The following TRAF5 variants were observed in gnomAD, a reference collection of about 807,000 sequenced individuals.
TRAF5 encodes TNF receptor-associated factor 5.
A neutral mutation model predicts 64.5 loss-of-function variants in TRAF5; 48 were observed. The ratio of observed to expected loss-of-function variants is 0.74; its 90% CI spans 0.59 to 0.95. TRAF5 has a LOEUF of 0.95. Among genes scored for constraint, TRAF5 ranks in the 40% least tolerant of loss-of-function variants. The probability of loss-of-function intolerance (pLI) is 0.00; values close to 1 mark genes in which losing one functional copy is unlikely to be tolerated. For synonymous variants in TRAF5, 206 were observed against 240.5 expected (o/e 0.86, Z 1.33); for missense variants, 545 against 662.8 (o/e 0.82, Z 1.95).
chr1:211,337,913 A>G (rs1702346352), intron 1 of TRAF5, among the ~76,000 whole-genome samples: 1 of 152,204 alleles, frequency 6.6e-6, no homozygotes, highest in Non-Finnish European at 1.5e-5. Flanking sequence ...TAGACTAAAC[A>G]GTGGAGTGTG....
chr1:211,369,290 C>T (rs1703446207), intron 8 of TRAF5, 162 bp from the exon 9 acceptor site: 1 of 645,086 alleles, frequency 1.6e-6, no homozygotes, highest in East Asian at 3.5e-5. Flanking sequence ...TGAATATCTT[C>T]CTATAATTAT....
At position 211,368,730 on chromosome 1, in the gene TRAF5, G is replaced by A. The variant is rs568637308; in HGVS notation, c.790-722G>A. On this transcript the variant is annotated intron_variant, in intron 8 of 10. Transcript: ENST00000261464. The stretch of plus-strand genomic sequence containing the variant: ...AGCTTTAGGTATCTGTTTCTTTCAA[G>A]TAGATTATAAAATCTGTCAATATGC... 1.5e-4 allele frequency among the ~76,000 whole-genome samples: 23 copies of A among 152,308 alleles called. No individual in the cohort carries two copies. The South Asian group carries it at 4.1e-3, about 27-fold the overall frequency.
chr1:211,363,517 T>C (rs943922782), intron 7 of TRAF5, among the ~76,000 whole-genome samples: 1 of 152,208 alleles, frequency 6.6e-6, no homozygotes, highest in African/African-American at 2.4e-5. Flanking sequence ...CTTTTACTTT[T>C]TATTCTTCAT....
Position 211,353,289 on chromosome 1 carries a change from A to G in TRAF5, c.50A>G (p.Gln17Arg). Residue 17 changes from glutamine to arginine, a missense_variant, in exon 2 of 11, where the codon CAG (glutamine) becomes CGG (arginine). Gln to Arg is a conservative substitution (Grantham distance 43). Transcript: ENST00000261464. ...HKGMPCGFIR[Q>R]NSGNSISLDF... ...GGTATGCCCTGTGGTTTCATCCGCC[A>G]GAATTCCGGCAACTCCATTTCCTTG... 1 of 1,614,258 alleles carries G rather than the reference A, an allele frequency of 6.2e-7. No homozygotes were observed. The highest frequency in any genetic ancestry group is 8.5e-7 in the Non-Finnish European group (1 of 1,180,048).
At chr1:211,366,705 A>G (rs1376729849) in intron 8 of TRAF5, among the ~76,000 whole-genome samples, 1 of 152,210 alleles carries the variant, frequency 6.6e-6, no homozygotes, top group African/African-American at 2.4e-5. Context: ...AATCCTGATG[A>G]GTCAAGGAAA....
chr1:211,361,083 C>G lies in TRAF5; in HGVS notation c.622-5C>G, dbSNP rs199606735. 10 of 1,613,644 alleles carry G rather than the reference C, an allele frequency of 6.2e-6. No homozygotes were observed. In the Admixed American group the frequency reaches 1.0e-4, roughly 16 times the overall value. ...TTCTATAGCTTGTGACTATCCATTTCGTAGGTAGATGAACACCTGGCTGTA... is the reference window on the plus strand; with the variant it reads ...TTCTATAGCTTGTGACTATCCATTTGGTAGGTAGATGAACACCTGGCTGTA... On this transcript the variant is annotated splice_region_variant and splice_polypyrimidine_tract_variant and intron_variant, in intron 6 of 10. Transcript: ENST00000261464.
intron 1 of TRAF5, chr1:211,346,234 CTGTT>C (rs1702603550): frequency 7.9e-6 from 3 of 381,070 alleles, no homozygotes; most frequent in Non-Finnish European, 1.1e-5. Context: ...GTCGAAATCT[CTGTT>C]TGTGGTACTT....
intron 8 of TRAF5, among the ~76,000 whole-genome samples, chr1:211,366,330 A>G (rs1703349299): frequency 2.0e-5 from 3 of 152,234 alleles, no homozygotes; most frequent in Non-Finnish European, 4.4e-5. Context: ...CATGCTCCCT[A>G]GTAACCGTTC....
chr1:211,363,150 A>G (rs1241465173), intron 7 of TRAF5, among the ~76,000 whole-genome samples: 1 of 152,212 alleles, frequency 6.6e-6, no homozygotes, highest in Non-Finnish European at 1.5e-5. Flanking sequence ...TATGAAAATA[A>G]AAAATGAATC....
Position 211,359,978 on chromosome 1 carries a change from C to G in TRAF5, c.445C>G (p.Leu149Val). Residue 149 changes from leucine (L) to valine (V), a missense_variant, in exon 5 of 11, where the codon CTA becomes GTA. Coordinates refer to ENST00000261464, the MANE Select transcript of TRAF5 (RefSeq NM_001033910.3). Reference protein sequence around the residue: ...CSNEKCREPVLRKDLKEHLSA... With the variant: ...CSNEKCREPVVRKDLKEHLSA... ...TAATGAGAAGTGCCGGGAGCCAGTC[C>G]TACGGAAAGACCTGAAAGAGCATTT... 2 of 1,614,050 alleles carry G rather than the reference C, an allele frequency of 1.2e-6. No homozygotes were observed. Among genetic ancestry groups the G allele is most frequent in the Non-Finnish European group, 1.7e-6 (2 of 1,179,934 alleles).
intron 1 of TRAF5, among the ~76,000 whole-genome samples, chr1:211,346,985 T>C (rs1468494123): frequency 6.6e-6 from 1 of 152,224 alleles, no homozygotes; most frequent in Non-Finnish European, 1.5e-5. Context: ...AGTTAACAAC[T>C]CTTCAGTAGG....
Position 211,326,908 on chromosome 1 carries a change from C to A in TRAF5, c.-2+19C>A, listed in dbSNP as rs1257885550. 1 of 984,956 alleles carries A rather than the reference C, an allele frequency of 1.0e-6. No individual in the cohort carries two copies. Among genetic ancestry groups the A allele is most frequent in the African/African-American group, 1.7e-5 (1 of 57,148 alleles). The allele number at this position is 984,956 out of a possible 1,614,324, so 61.0% of individuals were successfully genotyped here. ...GCCCCACGTGAGTCCGGCGGGTCGC[C>A]GCCCTGGGCACCCTCGCGACGGAAG... On this transcript the variant is annotated intron_variant, in intron 1 of 10. Transcript: ENST00000261464. This position sits in a 1 kb window ranked among gnomAD's most constrained non-coding sequence, Gnocchi z 5.0.
In TRAF5 at chr1:211,360,706, A is replaced by G. The variant is rs763196090; in HGVS notation, c.548A>G (p.His183Arg). Reference sequence around the variant, plus strand: ...ATTGCACTTTCTCTATTTCAGAATCATGAGGAAAACTTGTGTCCTGAATAC... The same window carrying G: ...ATTGCACTTTCTCTATTTCAGAATCGTGAGGAAAACTTGTGTCCTGAATAC... ...KDVVVINLQNHEENLCPEYPV... is the reference protein window; with the variant it reads ...KDVVVINLQNREENLCPEYPV... The change falls in exon 6 of 11, where the codon CAT (histidine) becomes CGT (arginine). Residue 183 changes from histidine (H) to arginine (R), a missense_variant. His to Arg is a conservative substitution (Grantham distance 29, BLOSUM62 0). Coordinates refer to ENST00000261464, the MANE Select transcript of TRAF5 (RefSeq NM_001033910.3). The G allele has an allele frequency of 2.5e-6, 4 of 1,613,594 alleles. No individual in the cohort carries two copies. The highest frequency in any genetic ancestry group is 2.2e-5 in the South Asian group (2 of 91,068).
chr1:211,347,759 G>C (rs1702655979), intron 1 of TRAF5, among the ~76,000 whole-genome samples: 1 of 152,218 alleles, frequency 6.6e-6, no homozygotes, highest in African/African-American at 2.4e-5. Flanking sequence ...TTTCCAAAGT[G>C]TGCTTCAAGG....
rs907586533 is a variant in TRAF5 at position 211,373,736 on chromosome 1, C to T, written c.*1034C>T. The T allele has an allele frequency of 6.6e-6, 1 of 152,106 alleles. No individual in the cohort carries two copies. Among genetic ancestry groups the T allele is most frequent in the Non-Finnish European group, 1.5e-5 (1 of 68,032 alleles). 9.4% of individuals were successfully genotyped at this position (152,106 alleles called of 1,614,324 possible). On this transcript the variant is annotated 3_prime_UTR_variant, in exon 11 of 11. Coordinates refer to ENST00000261464, the MANE Select transcript of TRAF5 (RefSeq NM_001033910.3). The stretch of plus-strand genomic sequence containing the variant: ...TGGCTAAAACAGTATCTACTATTCT[C>T]TGATAACTTTTTTTTTGAGACAGAG...
intron 1 of TRAF5, among the ~76,000 whole-genome samples, chr1:211,335,274 C>T (rs138741879): frequency 6.6e-6 from 1 of 152,068 alleles, no homozygotes; most frequent in Non-Finnish European, 1.5e-5. Context: ...TTTGGGTTCC[C>T]GATCTGTAAA....
intron 8 of TRAF5, 150 bp downstream of exon 8, chr1:211,365,618 G>A: frequency 1.7e-6 from 1 of 586,960 alleles, no homozygotes; most frequent in Non-Finnish European, 2.9e-6. Context: ...CAGGCTCATA[G>A]GATTATAGAA....
In TRAF5 at chr1:211,361,173, A is replaced by G. The variant is rs908742975; in HGVS notation, c.696+11A>G. 1 of 1,613,514 alleles carries G rather than the reference A, an allele frequency of 6.2e-7. No individual in the cohort carries two copies. Among genetic ancestry groups the G allele is most frequent in the African/African-American group, 1.3e-5 (1 of 74,898 alleles). On this transcript the variant is annotated intron_variant, in intron 7 of 10. Coordinates refer to ENST00000261464, the MANE Select transcript of TRAF5 (RefSeq NM_001033910.3). The stretch of plus-strand genomic sequence containing the variant: ...GGCTGTGCTGTAACGGTATGGAATG[A>G]CTTTTTGTTTCTGCCTATACATTCT...
Position 211,354,436 on chromosome 1 carries a change from C to G in TRAF5, c.245C>G (p.Pro82Arg). 6.2e-7 allele frequency: 1 copy of G among 1,614,126 alleles called. No individual in the cohort carries two copies. Among genetic ancestry groups the G allele is most frequent in the Non-Finnish European group, 8.5e-7 (1 of 1,180,016 alleles). Residue 82 changes from proline (P) to arginine (R), a missense_variant, in exon 3 of 11, where the codon CCT (proline) becomes CGT (arginine). Transcript: ENST00000261464. ...GAATTAAACACAGTGCCAATCTGCC[C>G]TGTAGATAAAGAGGTCATCAAATCT... ...LRELNTVPIC[P>R]VDKEVIKSQE... is the part of the protein sequence containing the mutation.
Sources: allele counts gnomAD v4.1 joint callset (sites outside exome capture counted in the v4.1 genomes callset), GRCh38; gene constraint gnomAD v4.1.1; non-coding constraint Gnocchi (gnomAD v3.1); transcripts MANE v1.5; gene names NCBI Gene and HGNC (gene_info 2026-07-23, HGNC 2026-07-21).